The following MIER3 variants were observed in gnomAD, a reference collection of about 807,000 sequenced individuals.
The protein encoded by MIER3 is MIER family member 3.
In MIER3, 9 loss-of-function variants were observed where a neutral mutation model predicts 63.2. That is an observed-to-expected ratio of 0.14 (90% confidence interval 0.09 to 0.25). MIER3 has a LOEUF of 0.25. Ranked by LOEUF, MIER3 falls within the 10% of genes least tolerant of loss-of-function variation. MIER3 has a pLI of 1.00. For synonymous variants in MIER3, 205 were observed against 224.9 expected, an observed-to-expected ratio of 0.91 and a Z score of 0.79; for missense variants, 512 against 666.2, an observed-to-expected ratio of 0.77 and a Z score of 2.55.
At chr5:56,930,847 C>G (rs1750240710) in intron 8 of MIER3, 102 bp from the exon 9 acceptor site, 1 of 883,760 alleles carries the variant, frequency 1.1e-6, no homozygotes, top group South Asian at 1.5e-5. Context: ...TTGATAAACA[C>G]TGAAATCCTC....
chr5:56,947,109 A>C lies in MIER3; in HGVS notation c.35-38T>G. 1.9e-6 allele frequency: 3 copies of C among 1,578,822 alleles called. No individual in the cohort carries two copies. The East Asian group carries it at 7.0e-5, about 37-fold the overall frequency. ...AAACTGAATCACTTTACACATTTAC[A>C]AGGCTATTAACAAAAGAAAATAAAA... On this transcript the variant is annotated intron_variant, in intron 2 of 12. Coordinates refer to ENST00000381199, the MANE Select transcript of MIER3 (RefSeq NM_001297599.2).
At chr5:56,947,092 T>G in intron 2 of MIER3, 21 bp from the exon 3 acceptor site, 1 of 1,597,650 alleles carries the variant, frequency 6.3e-7, no homozygotes, top group Non-Finnish European at 8.5e-7. Flanking sequence ...ACAAACTGAA[T>G]CACTTTACAC....
At chr5:56,945,375 A>G (rs1016409791) in intron 3 of MIER3, among the ~76,000 whole-genome samples, 2 of 152,144 alleles carry the variant, frequency 1.3e-5, no homozygotes, top group Non-Finnish European at 2.9e-5. Context: ...AGGCAGGAGA[A>G]TCACTTGAAC....
At chr5:56,950,260 C>A (rs1435997643) in intron 2 of MIER3, among the ~76,000 whole-genome samples, 1 of 152,082 alleles carries the variant, frequency 6.6e-6, no homozygotes, top group African/African-American at 2.4e-5. Context: ...AGAGTTCTGA[C>A]AAATTACTCA....
In MIER3 at chr5:56,936,461, TA is replaced by T. The variant is rs959044127; in HGVS notation, c.437-711del. ...ACAGTTCTTCTATCATAAAAATACC[TA>T]AAAAAAAAAAGTGAGATTGCATCTA... On this transcript the variant is annotated intron_variant, in intron 5 of 12. Transcript: ENST00000381199. Among the ~76,000 whole-genome samples, 395 of 145,188 alleles carry T rather than the reference TA, an allele frequency of 2.7e-3. 1 individual carries two copies. The highest frequency in any genetic ancestry group is 7.2e-3 in the Middle Eastern group (2 of 278).
At chr5:56,942,967 C>T (rs1468324363) in intron 3 of MIER3, among the ~76,000 whole-genome samples, 1 of 151,952 alleles carries the variant, frequency 6.6e-6, no homozygotes, top group Non-Finnish European at 1.5e-5. Context: ...TTGCAAGACC[C>T]CTTCTCTATA....
chr5:56,940,001 T>A (rs1035942757), intron 3 of MIER3, among the ~76,000 whole-genome samples: 2 of 152,156 alleles, frequency 1.3e-5, no homozygotes, highest in Non-Finnish European at 2.9e-5. Context: ...CAGTGACACA[T>A]GACTATGTTT....
In MIER3 at chr5:56,950,618, T is replaced by C. The variant is rs1208428786; in HGVS notation, c.34+10A>G. ...GGGAACCACCGAAGACGTAAGAAAA[T>C]AGGACAAACCTGGGCTCGAACTTCC... is the stretch of plus-strand genomic sequence containing the variant. On this transcript the variant is annotated intron_variant, in intron 2 of 12. Transcript: ENST00000381199. 11 of 1,612,634 alleles carry C rather than the reference T, an allele frequency of 6.8e-6. No individual in the cohort carries two copies. The East Asian group carries it at 1.6e-4, about 23-fold the overall frequency.
At chr5:56,926,912 C>T (rs6882657) in intron 10 of MIER3, among the ~76,000 whole-genome samples, 15,657 of 152,014 alleles carry the variant, frequency 0.1, 842 homozygotes, top group East Asian at 0.14. Flanking sequence ...TATCAAGCCT[C>T]AAAACAAACA....
chr5:56,944,022 G>A (rs1750741774), intron 3 of MIER3, among the ~76,000 whole-genome samples: 1 of 152,108 alleles, frequency 6.6e-6, no homozygotes. Context: ...CAATATCTTG[G>A]ACAAATCACC....
intron 3 of MIER3, among the ~76,000 whole-genome samples, chr5:56,939,830 G>C (rs889198023): frequency 6.6e-6 from 1 of 152,188 alleles, no homozygotes; most frequent in Non-Finnish European, 1.5e-5. Flanking sequence ...TGCATATACA[G>C]CCAGGATGCA....
rs935162697 is a variant in MIER3, at chr5:56,950,615, A to C, written c.34+13T>G. The C allele has an allele frequency of 2.5e-6, 4 of 1,613,940 alleles. No homozygotes were observed. In the Admixed American group the frequency reaches 5.0e-5, roughly 20 times the overall value. On this transcript the variant is annotated intron_variant, in intron 2 of 12. Coordinates refer to ENST00000381199, the MANE Select transcript of MIER3 (RefSeq NM_001297599.2). ...ACTGGGAACCACCGAAGACGTAAGA[A>C]AATAGGACAAACCTGGGCTCGAACT...
rs137993138 is a variant in MIER3 at position 56,923,380 on chromosome 5, A to C, written c.1401T>G (p.Pro467=). 126 of 1,614,054 alleles carry C rather than the reference A, an allele frequency of 7.8e-5. No individual in the cohort carries two copies. The highest frequency in any genetic ancestry group is 1.0e-4 in the Non-Finnish European group (123 of 1,180,038). The change falls in exon 13 of 13, where the codon CCT becomes CCG. Residue 467 remains proline, a synonymous_variant. Coordinates refer to ENST00000381199, the MANE Select transcript of MIER3 (RefSeq NM_001297599.2). ...ETGFYHSELN[P]MNMCSEESER... The stretch of plus-strand genomic sequence containing the variant: ...CTGACTCTTCACTGCACATGTTCAT[A>C]GGGTTTAGCTCCGAGTGATAAAATC...
At chr5:56,930,846 A>G (rs1750240588) in intron 8 of MIER3, 101 bp from the exon 9 acceptor site, 1 of 903,122 alleles carries the variant, frequency 1.1e-6, no homozygotes, top group Non-Finnish European at 1.8e-6. Context: ...CTTGATAAAC[A>G]CTGAAATCCT....
chr5:56,946,363 G>T (rs1167158044), intron 3 of MIER3, among the ~76,000 whole-genome samples: 1 of 152,100 alleles, frequency 6.6e-6, no homozygotes, highest in African/African-American at 2.4e-5. Context: ...CAGTTCATTT[G>T]AATTTATATT....
chr5:56,925,384 T>G (rs1187616389), intron 10 of MIER3: 1 of 451,756 alleles, frequency 2.2e-6, no homozygotes, highest in Non-Finnish European at 4.4e-6. Flanking sequence ...AAAAATCGCC[T>G]GTAACTAATA....
chr5:56,949,946 C>T (rs564669845), intron 2 of MIER3, among the ~76,000 whole-genome samples: 6 of 152,332 alleles, frequency 3.9e-5, no homozygotes, highest in African/African-American at 1.4e-4. Context: ...ATTCTACAAA[C>T]CCCAGATTGT....
intron 3 of MIER3, among the ~76,000 whole-genome samples, chr5:56,944,203 G>A (rs1328855440): frequency 6.6e-6 from 1 of 152,136 alleles, no homozygotes; most frequent in Non-Finnish European, 1.5e-5. Flanking sequence ...TGGGCGCGGT[G>A]GCTCACGCCT....
In MIER3 at chr5:56,933,336, C is replaced by T; in HGVS notation, c.658G>A (p.Glu220Lys). Reference sequence around the variant, plus strand: ...CTTAATGAAGTCTCAACAAGGTATTCCTTAACTTTGCTCTCCAAAACCACA... The same window carrying T: ...CTTAATGAAGTCTCAACAAGGTATTTCTTAACTTTGCTCTCCAAAACCACA... ...PDVVLESKVK[E>K]YLVETSLRTG... The change falls in exon 8 of 13, where the codon GAA becomes AAA. Residue 220 changes from glutamate (E) to lysine (K), a missense_variant. This residue lies in a region of MIER3 where 118 missense variants were observed against 133.6 expected (regional missense o/e 0.88). Transcript: ENST00000381199. 6.2e-7 allele frequency: 1 copy of T among 1,613,242 alleles called. No individual in the cohort carries two copies. Among genetic ancestry groups the T allele is most frequent in the Non-Finnish European group, 8.5e-7 (1 of 1,179,632 alleles).
Sources: gnomAD v4.1 joint callset for allele counts (sites outside exome capture counted in the v4.1 genomes callset) on GRCh38, gnomAD v4.1.1 for gene constraint, gnomAD v4.1.1 regional missense constraint, MANE v1.5 for transcripts, NCBI Gene and HGNC (gene_info 2026-07-23, HGNC 2026-07-21) for gene names.